The following CPAMD8 variants were observed in gnomAD, a reference collection of about 807,000 sequenced individuals.
CPAMD8 encodes C3 and PZP-like alpha-2-macroglobulin domain-containing protein 8.
Under a neutral mutation model 224.7 loss-of-function variants are expected in CPAMD8, and 146 were observed. That is an observed-to-expected ratio of 0.65 (90% confidence interval 0.57 to 0.75). CPAMD8 has a LOEUF of 0.75. Among genes scored for constraint, CPAMD8 ranks in the 30% least tolerant of loss-of-function variants. The probability of loss-of-function intolerance (pLI) is 0.00; values close to 1 mark genes in which losing one functional copy is unlikely to be tolerated. For missense variants in CPAMD8, 2,301 were observed against 2,537.5 expected, an observed-to-expected ratio of 0.91 and a Z score of 2.00; for synonymous variants, 966 against 1,044.6, an observed-to-expected ratio of 0.92 and a Z score of 1.45.
chr19:16,966,143 T>G (rs577271798), intron 18 of CPAMD8, among the ~76,000 whole-genome samples: 177 of 152,088 alleles, frequency 1.2e-3, no homozygotes, highest in African/African-American at 4.0e-3. Flanking sequence ...CCAAAACAGA[T>G]ATATAGACCA....
At chr19:16,939,479 G>C (rs893150195) in intron 22 of CPAMD8, among the ~76,000 whole-genome samples, 3 of 152,122 alleles carry the variant, frequency 2.0e-5, no homozygotes, top group African/African-American at 7.2e-5. Flanking sequence ...AAAGTGCTGG[G>C]ATTACAGGCA....
intron 7 of CPAMD8, among the ~76,000 whole-genome samples, chr19:17,006,291 C>G: frequency 6.6e-6 from 1 of 152,054 alleles, no homozygotes; most frequent in Non-Finnish European, 1.5e-5. Flanking sequence ...AGGAGGTTGA[C>G]CTCTTCCCCA....
At chr19:16,997,367 T>C in intron 10 of CPAMD8, 29 bp from the exon 11 acceptor site, 2 of 1,322,024 alleles carry the variant, frequency 1.5e-6, no homozygotes, top group Non-Finnish European at 2.1e-6. Flanking sequence ...CAGCCCGTGC[T>C]CACTCAGGGT....
intron 6 of CPAMD8, 144 bp from the exon 7 acceptor site, chr19:17,008,703 C>CAAAAAA: frequency 1.1e-6 from 1 of 884,234 alleles, no homozygotes; most frequent in Non-Finnish European, 1.8e-6. Context: ...AACCCCGGGG[C>CAAAAAA]AAAAAAAAAG....
rs1204964473 is a variant in CPAMD8 at position 16,901,245 on chromosome 19, A to AC, written c.4737dup (p.Ser1580ValfsTer16). The stretch of plus-strand genomic sequence containing the variant: ...CTCTCGATGTCTGCCCGGAAGCCTG[A>AC]CAGCAGGGGCACCTCCAGGACAGCC... On this transcript the variant is annotated frameshift_variant, in exon 36 of 42. Transcript: ENST00000443236. LOFTEE classifies it high-confidence loss of function. 1 of 1,612,734 alleles carries AC rather than the reference A, an allele frequency of 6.2e-7. No homozygotes were observed. The highest frequency in any genetic ancestry group is 8.5e-7 in the Non-Finnish European group (1 of 1,179,588).
intron 13 of CPAMD8, among the ~76,000 whole-genome samples, chr19:16,988,785 C>T (rs10422387): frequency 0.013 from 2,039 of 152,170 alleles, 39 homozygotes; most frequent in African/African-American, 0.044. Flanking sequence ...TGATTCATGG[C>T]CTGTTAGGAA....
In CPAMD8 at chr19:17,009,268, C is replaced by T. The variant is rs374947865; in HGVS notation, c.504+35G>A. 50 of 1,613,832 alleles carry T rather than the reference C, an allele frequency of 3.1e-5. No individual in the cohort carries two copies. The African/African-American group carries it at 6.5e-4, about 21-fold the overall frequency. ...TGCAGAAGGTGGGCTACCCGGGCCC[C>T]AAGTCCAAGCCGAGGAAGGACAGAG... On this transcript the variant is annotated intron_variant, in intron 6 of 41. Transcript: ENST00000443236.
At chr19:16,994,634 T>C (rs2122951309) in intron 11 of CPAMD8, among the ~76,000 whole-genome samples, 1 of 146,738 alleles carries the variant, frequency 6.8e-6, no homozygotes, top group African/African-American at 2.5e-5. Context: ...TCCTCCTGCC[T>C]CATCCTCCTG....
intron 18 of CPAMD8, among the ~76,000 whole-genome samples, chr19:16,970,176 T>G (rs1371198258): frequency 2.1e-5 from 3 of 144,252 alleles, no homozygotes; most frequent in Non-Finnish European, 4.5e-5. Flanking sequence ...GAGGCGGAGC[T>G]TGCAGTGAGC....
intron 7 of CPAMD8, among the ~76,000 whole-genome samples, 198 bp from the exon 8 acceptor site, chr19:17,004,584 G>A (rs1019053779): frequency 1.3e-5 from 2 of 152,120 alleles, no homozygotes; most frequent in Admixed American, 6.5e-5. Context: ...TTGACACCCC[G>A]GCGGGCTTCG....
At chr19:16,907,633 C>A (rs1050393060) in intron 29 of CPAMD8, 2 of 150,280 alleles carry the variant, frequency 1.3e-5, no homozygotes, top group African/African-American at 4.9e-5. Context: ...ATACAGACAG[C>A]ATCTTACTCT....
intron 23 of CPAMD8, among the ~76,000 whole-genome samples, chr19:16,934,763 C>A (rs563510245): frequency 3.5e-4 from 54 of 152,276 alleles, no homozygotes; most frequent in Admixed American, 1.2e-3. Context: ...CTGCAATACA[C>A]ATGTATTGCT....
intron 23 of CPAMD8, among the ~76,000 whole-genome samples, chr19:16,932,043 G>A (rs970108227): frequency 2.0e-5 from 3 of 151,900 alleles, no homozygotes; most frequent in African/African-American, 7.3e-5. Flanking sequence ...GAAAAAGCAA[G>A]GAAACGTGAC....
intron 35 of CPAMD8, among the ~76,000 whole-genome samples, chr19:16,902,379 T>C (rs115957579): frequency 2.8e-3 from 432 of 152,112 alleles, no homozygotes; most frequent in African/African-American, 9.5e-3. Context: ...TAGTTGGGCA[T>C]GATGGCGGGC....
chr19:16,986,785 G>A (rs940922590), intron 13 of CPAMD8, among the ~76,000 whole-genome samples: 7 of 152,028 alleles, frequency 4.6e-5, no homozygotes, highest in Admixed American at 6.6e-5. Flanking sequence ...CTGGGATTGC[G>A]GCCAGGATGC....
chr19:16,964,842 C>T (rs2122556141), intron 18 of CPAMD8, among the ~76,000 whole-genome samples: 1 of 152,320 alleles, frequency 6.6e-6, no homozygotes, highest in African/African-American at 2.4e-5. Flanking sequence ...TTCTTATCCA[C>T]CACGATCAAG....
At chr19:16,928,728 C>T (rs1348701666) in intron 24 of CPAMD8, among the ~76,000 whole-genome samples, 2 of 151,614 alleles carry the variant, frequency 1.3e-5, no homozygotes, top group African/African-American at 4.9e-5. Flanking sequence ...TCTCTGCTCC[C>T]TGATCCTTGG....
intron 10 of CPAMD8, among the ~76,000 whole-genome samples, chr19:16,997,669 G>A (rs1173553520): frequency 6.6e-6 from 1 of 151,928 alleles, no homozygotes; most frequent in Non-Finnish European, 1.5e-5. Context: ...TAGCCAACAT[G>A]GCGAAACCCC....
At chr19:16,925,104 T>C in intron 26 of CPAMD8, 92 bp downstream of exon 26, 2 of 1,356,070 alleles carry the variant, frequency 1.5e-6, no homozygotes, top group East Asian at 2.3e-5. Context: ...CTGCACCTGG[T>C]GTGTGGGCCA....
Sources: gnomAD v4.1 joint callset for allele counts (sites outside exome capture counted in the v4.1 genomes callset) on GRCh38, gnomAD v4.1.1 for gene constraint, MANE v1.5 for transcripts, NCBI Gene and HGNC (gene_info 2026-07-23, HGNC 2026-07-21) for gene names.